Variants in GNG7 observed in about 807,000 individuals in gnomAD.
GNG7 encodes G protein subunit gamma 7, also known as guanine nucleotide-binding protein G(I)/G(S)/G(O) subunit gamma-7.
A neutral mutation model predicts 4.0 loss-of-function variants in GNG7; 1 was observed. That is an observed-to-expected ratio of 0.25 (90% CI 0.09 to 1.18). The LOEUF (loss-of-function observed/expected upper bound fraction) is 1.18. GNG7 is among the 50% of genes most tolerant of loss of function. The pLI, the probability that GNG7 is intolerant of heterozygous loss-of-function variation, is 0.50. For synonymous variants in GNG7, 34 were observed against 36.9 expected, an observed-to-expected ratio of 0.92 and a Z score of 0.29; for missense variants, 86 against 91.9, an observed-to-expected ratio of 0.94 and a Z score of 0.26.
Position 2,694,238 on chromosome 19 carries a change from G to C in GNG7, c.-135+8408C>G, listed in dbSNP as rs529559400. On this transcript the variant is annotated intron_variant, in intron 1 of 4. Transcript: ENST00000382159. ...GAGATTTTTTTGTTGCTTTTTTTTG[G>C]GGGGGGGCAGGGAATAGCACTTAAC... Among the ~76,000 whole-genome samples, 21 of 141,348 alleles carry C rather than the reference G, an allele frequency of 1.5e-4. No individual in the cohort carries two copies. The South Asian group carries it at 2.6e-3, about 17-fold the overall frequency. 92.7% of individuals were successfully genotyped at this position (141,348 alleles called of 152,430 possible).
At chr19:2,535,379 A>G (rs1477855756) in intron 3 of GNG7, among the ~76,000 whole-genome samples, 1 of 151,532 alleles carries the variant, frequency 6.6e-6, no homozygotes, top group East Asian at 1.9e-4. Context: ...GCACACCTGT[A>G]GTCCCAGCTA....
Position 2,546,071 on chromosome 19 carries a change from G to A in GNG7, c.-38+9078C>T, listed in dbSNP as rs1360782844. On this transcript the variant is annotated intron_variant, in intron 3 of 4. Transcript: ENST00000382159. This position sits in a 1 kb window ranked among gnomAD's most constrained non-coding sequence, Gnocchi z 6.3. ...CACAGGGCAACGATCAGGCGTTGAT[G>A]TGTCCCCTGGCAGCTGGGATGCAGG... Among the ~76,000 whole-genome samples, 2 of 152,222 alleles carry A rather than the reference G, an allele frequency of 1.3e-5. No individual in the cohort carries two copies. Among genetic ancestry groups the A allele is most frequent in the Admixed American group, 6.5e-5 (1 of 15,284 alleles).
At chr19:2,555,465 C>A (rs1190380908) in intron 2 of GNG7, among the ~76,000 whole-genome samples, 2 of 152,218 alleles carry the variant, frequency 1.3e-5, no homozygotes, top group Admixed American at 1.3e-4. Context: ...CATTTCAGAA[C>A]AAGGAAGCCC....
intron 3 of GNG7, among the ~76,000 whole-genome samples, chr19:2,530,495 AG>A (rs1411713468): frequency 6.6e-6 from 1 of 151,016 alleles, no homozygotes; most frequent in African/African-American, 2.4e-5. Flanking sequence ...CTGAGGTGGG[AG>A]GATCACTTGA....
Position 2,520,713 on chromosome 19 carries a change from G to C in GNG7, c.-25C>G, listed in dbSNP as rs778000559. On this transcript the variant is annotated 5_prime_UTR_variant, in exon 4 of 5. Transcript: ENST00000382159. ...TTGTCTGCCATCAGCTCTGGGCCCC[G>C]TTGTTCAGAGAGCTGTGGGGGAAGC... The C allele has an allele frequency of 2.8e-6, 4 of 1,417,492 alleles. No individual in the cohort carries two copies. The highest frequency in any genetic ancestry group is 2.0e-6 in the Non-Finnish European group (2 of 1,025,266). 87.8% of individuals were successfully genotyped at this position (1,417,492 alleles called of 1,614,324 possible).
intron 1 of GNG7, among the ~76,000 whole-genome samples, chr19:2,671,878 C>T (rs1428947858): frequency 2.6e-5 from 4 of 151,652 alleles, no homozygotes; most frequent in Non-Finnish European, 2.9e-5. Flanking sequence ...AGTGAAACCT[C>T]GTCTCTACTA....
intron 2 of GNG7, among the ~76,000 whole-genome samples, chr19:2,568,751 T>A (rs1157532393): frequency 6.7e-6 from 1 of 150,076 alleles, no homozygotes; most frequent in Admixed American, 6.6e-5. Context: ...CATACACACA[T>A]ACACACATAC....
chr19:2,662,415 A>AG (rs1983205633), intron 1 of GNG7, among the ~76,000 whole-genome samples: 1 of 152,130 alleles, frequency 6.6e-6, no homozygotes, highest in Admixed American at 6.5e-5. Flanking sequence ...CCACAGGTTG[A>AG]GGGCTAAATC....
intron 1 of GNG7, among the ~76,000 whole-genome samples, chr19:2,652,905 A>C (rs763556700): frequency 5.3e-5 from 8 of 151,870 alleles, no homozygotes; most frequent in Admixed American, 1.3e-4. Flanking sequence ...CAACATAGCA[A>C]GACCCTAGGC....
intron 2 of GNG7, among the ~76,000 whole-genome samples, chr19:2,565,910 C>A (rs992266100): frequency 6.6e-6 from 1 of 152,188 alleles, no homozygotes; most frequent in Non-Finnish European, 1.5e-5. Flanking sequence ...GTTATCCCAG[C>A]ACTTCGGGAG....
chr19:2,543,496 A>T (rs1419116118), intron 3 of GNG7, among the ~76,000 whole-genome samples: 1 of 152,118 alleles, frequency 6.6e-6, no homozygotes, highest in Non-Finnish European at 1.5e-5. Flanking sequence ...AAGTGCTAGG[A>T]TCCCGGGCAT....
chr19:2,680,050 C>T (rs992798197), intron 1 of GNG7, among the ~76,000 whole-genome samples: 7 of 152,080 alleles, frequency 4.6e-5, no homozygotes, highest in African/African-American at 9.7e-5. Flanking sequence ...CGGCAGCTCA[C>T]GCCTGTAACC....
chr19:2,694,874 G>A (rs139152917), intron 1 of GNG7, among the ~76,000 whole-genome samples: 232 of 151,726 alleles, frequency 1.5e-3, no homozygotes, highest in Non-Finnish European at 2.3e-3. Context: ...GACGCTGCTC[G>A]GCACCTCAGG....
At chr19:2,610,441 G>A (rs1366999628) in intron 2 of GNG7, 1 of 151,998 alleles carries the variant, frequency 6.6e-6, no homozygotes, top group Admixed American at 6.6e-5. Context: ...TCTGCCTCCT[G>A]GGTTCAAGCG....
At position 2,698,241 on chromosome 19, in the gene GNG7, C is replaced by T. The variant is rs549835969; in HGVS notation, c.-135+4405G>A. Among the ~76,000 whole-genome samples the T allele has an allele frequency of 2.2e-4, 32 of 146,940 alleles. No homozygotes were observed. In the East Asian group the frequency reaches 5.7e-3, roughly 26 times the overall value. On this transcript the variant is annotated intron_variant, in intron 1 of 4. Transcript: ENST00000382159. ...GAGATCGCACCACTGTACTCCAGCC[C>T]GGGCAACGGAATGAGACCATGTCTC...
At chr19:2,674,664 G>T (rs1983549528) in intron 1 of GNG7, among the ~76,000 whole-genome samples, 1 of 152,182 alleles carries the variant, frequency 6.6e-6, no homozygotes, top group Non-Finnish European at 1.5e-5. Context: ...TCGAACTCCT[G>T]ACCTCAGGTG....
chr19:2,558,182 T>A (rs1004792752), intron 2 of GNG7, among the ~76,000 whole-genome samples: 2 of 152,026 alleles, frequency 1.3e-5, no homozygotes, highest in African/African-American at 2.4e-5. Context: ...CTGCTTTTCA[T>A]GTGCACACTG....
At chr19:2,670,950 G>C (rs962473458) in intron 1 of GNG7, among the ~76,000 whole-genome samples, 2 of 152,198 alleles carry the variant, frequency 1.3e-5, no homozygotes, top group Non-Finnish European at 2.9e-5. Context: ...CCCACCCTGA[G>C]TGGGGAGGGA....
intron 1 of GNG7, among the ~76,000 whole-genome samples, chr19:2,651,349 TCCCTCCCTCCCTTCCCTCCATCCCTC>T (rs1555700462): frequency 4.4e-5 from 1 of 22,886 alleles, no homozygotes; most frequent in African/African-American, 2.1e-4. Flanking sequence ...CCTCCATCCC[TCCCTCCCTCCCTTCCCTCCATCCCTC>T]CCTCCCTCCC....
Sources: gnomAD v4.1 joint callset for allele counts (sites outside exome capture counted in the v4.1 genomes callset) on GRCh38, gnomAD v4.1.1 for gene constraint, Gnocchi (gnomAD v3.1) non-coding constraint, MANE v1.5 for transcripts, NCBI Gene and HGNC (gene_info 2026-07-23, HGNC 2026-07-21) for gene names.